KCNT1: variants seen among roughly 807,000 people sequenced by gnomAD.
KCNT1 encodes potassium sodium-activated channel subfamily T member 1, also known as potassium channel subfamily T member 1.
Under a neutral mutation model 147.8 loss-of-function variants are expected in KCNT1, and 78 were observed. The ratio of observed to expected loss-of-function variants is 0.53; its 90% CI spans 0.44 to 0.64. The LOEUF (loss-of-function observed/expected upper bound fraction) is 0.64. KCNT1 is among the 30% of genes least tolerant of loss of function. KCNT1 has a pLI of 0.00. For synonymous variants in KCNT1, 867 were observed against 748.8 expected, an observed-to-expected ratio of 1.16 and a Z score of -2.58; for missense variants, 1,419 against 1,750.3, an observed-to-expected ratio of 0.81 and a Z score of 3.38.
Position 135,752,201 on chromosome 9 carries a change from GTTC to G in KCNT1, c.434+1164_434+1166del. The G allele has an allele frequency of 2.7e-6, 1 of 367,990 alleles. No individual in the cohort carries two copies. The highest frequency in any genetic ancestry group is 3.6e-5 in the Admixed American group (1 of 27,924). 22.8% of individuals were successfully genotyped at this position (367,990 alleles called of 1,614,324 possible). A position where few individuals can be genotyped will look rare whatever the true frequency, so the allele number is the denominator to read the frequency against. On this transcript the variant is annotated intron_variant, in intron 4 of 30. Transcript: ENST00000371757. This position sits in a 1 kb window ranked among gnomAD's most constrained non-coding sequence, Gnocchi z 5.1. ...TCCCCCCTCTGGCTGCGCAGAGCAG[GTTC>G]TTCCCTGGAGAGAAGGCCTGACTGC...
intron 27 of KCNT1, 58 bp downstream of exon 27, chr9:135,784,947 G>A (rs1426280502): frequency 1.3e-6 from 2 of 1,586,450 alleles, no homozygotes; most frequent in African/African-American, 1.3e-5. Flanking sequence ...GTGACCCACA[G>A]CATCCCCACC....
At chr9:135,774,955 C>T (rs923738857) in intron 19 of KCNT1, among the ~76,000 whole-genome samples, 2 of 152,166 alleles carry the variant, frequency 1.3e-5, no homozygotes, top group Non-Finnish European at 2.9e-5. Context: ...GCCTCCCCAG[C>T]CCTGGCCTTG....
At chr9:135,711,154 C>G (rs965656780) in intron 1 of KCNT1, among the ~76,000 whole-genome samples, 5 of 152,262 alleles carry the variant, frequency 3.3e-5, no homozygotes, top group African/African-American at 1.2e-4. Context: ...TTTCTCGCAG[C>G]AGTGCACAGA....
rs144883521 is a variant in KCNT1 at position 135,728,016 on chromosome 9, C to T, written c.254+13296C>T. ...AAAATGGCAATATTTGTGTTATGCA[C>T]ATTTACTACAAAAACAAGCTTGCCT... is the stretch of plus-strand genomic sequence containing the variant. On this transcript the variant is annotated intron_variant, in intron 2 of 30. Coordinates refer to ENST00000371757, the MANE Select transcript of KCNT1 (RefSeq NM_020822.3). Among the ~76,000 whole-genome samples the T allele has an allele frequency of 4.3e-3, 649 of 152,330 alleles. 1 individual carries two copies. The highest frequency in any genetic ancestry group is 0.015 in the African/African-American group (612 of 41,580).
At chr9:135,709,717 G>C (rs1236466846) in intron 1 of KCNT1, among the ~76,000 whole-genome samples, 1 of 152,136 alleles carries the variant, frequency 6.6e-6, no homozygotes, top group Non-Finnish European at 1.5e-5. Context: ...GTCTCGCTCT[G>C]TCACCCAGGC....
In KCNT1 at chr9:135,730,990, T is replaced by TGAAAAAAAA. The variant is rs1554766004; in HGVS notation, c.254+16270_254+16271insGAAAAAAAA. Among the ~76,000 whole-genome samples the TGAAAAAAAA allele has an allele frequency of 0.016, 1,343 of 85,344 alleles. 59 individuals carry two copies. Among genetic ancestry groups the TGAAAAAAAA allele is most frequent in the South Asian group, 0.025 (56 of 2,264 alleles). 56.0% of individuals were successfully genotyped at this position (85,344 alleles called of 152,430 possible). A position where few individuals can be genotyped will look rare whatever the true frequency, so the allele number is the denominator to read the frequency against. ...AACAAAGTGAGATCCCGTCTCAAGGTAAAAAAAAAAAAAAAAAAAAAAAGT... is the reference window on the plus strand; with the variant it reads ...AACAAAGTGAGATCCCGTCTCAAGGTGAAAAAAAAAAAAAAAAAAAAAAAAAAAAAAAGT... On this transcript the variant is annotated intron_variant, in intron 2 of 30. Coordinates refer to ENST00000371757, the MANE Select transcript of KCNT1 (RefSeq NM_020822.3). This position sits in a 1 kb window ranked among gnomAD's most constrained non-coding sequence, Gnocchi z 4.7.
chr9:135,750,864 A>C, intron 3 of KCNT1, 78 bp from the exon 4 acceptor site: 1 of 1,358,970 alleles, frequency 7.4e-7, no homozygotes. Context: ...CAGAGAGCCC[A>C]GCCAGACCCG....
chr9:135,751,403 T>G (rs1831159644), intron 4 of KCNT1, among the ~76,000 whole-genome samples: 1 of 151,612 alleles, frequency 6.6e-6, no homozygotes, highest in South Asian at 2.1e-4. Flanking sequence ...GGGCGCCCAG[T>G]CCCCCTGGGG....
intron 13 of KCNT1, among the ~76,000 whole-genome samples, chr9:135,768,241 G>C (rs1196139721): frequency 4.6e-5 from 1 of 21,782 alleles, no homozygotes; most frequent in African/African-American, 1.6e-4. Flanking sequence ...GGATGCCTGC[G>C]GGGGGGGGGG....
rs761613092 is a variant in KCNT1 at position 135,791,780 on chromosome 9, G to A, written c.3503-17G>A. On this transcript the variant is annotated splice_polypyrimidine_tract_variant and intron_variant, in intron 29 of 30. Transcript: ENST00000371757. ...AGGGCTGGGGGGGTGACGTCTGCCC[G>A]GCTGTGTCCTTTGCAGACGAGATGA... The A allele has an allele frequency of 3.1e-5, 50 of 1,611,776 alleles. No homozygotes were observed. Among genetic ancestry groups the A allele is most frequent in the Non-Finnish European group, 3.6e-5 (42 of 1,178,300 alleles).
chr9:135,744,494 G>A (rs1165019020), intron 2 of KCNT1, among the ~76,000 whole-genome samples: 1 of 152,188 alleles, frequency 6.6e-6, no homozygotes, highest in East Asian at 1.9e-4. Context: ...GCCGCCACCT[G>A]GGGACAGACT....
chr9:135,703,972 G>C (rs944442716), intron 1 of KCNT1, among the ~76,000 whole-genome samples: 11 of 152,274 alleles, frequency 7.2e-5, no homozygotes, highest in African/African-American at 2.2e-4. Context: ...GCAGTGGAGG[G>C]ATGTCAGGCG....
At chr9:135,768,558 G>A in intron 13 of KCNT1, 52 bp from the exon 14 acceptor site, 3 of 1,470,766 alleles carry the variant, frequency 2.0e-6, no homozygotes, top group Non-Finnish European at 2.8e-6. Context: ...ACCCCCGGCT[G>A]CACTGCCCAC....
intron 21 of KCNT1, 82 bp downstream of exon 21, chr9:135,777,592 C>T: frequency 7.2e-7 from 1 of 1,395,186 alleles, no homozygotes; most frequent in Non-Finnish European, 9.8e-7. Context: ...TGGGCCCACC[C>T]TTCGCCTTTG....
chr9:135,781,909 C>T (rs1833637377), intron 24 of KCNT1, among the ~76,000 whole-genome samples: 1 of 152,114 alleles, frequency 6.6e-6, no homozygotes, highest in South Asian at 2.1e-4. Context: ...ATAGCAAGTC[C>T]CCATCTATAC....
At position 135,704,139 on chromosome 9, in the gene KCNT1, C is replaced by T. The variant is rs141818343; in HGVS notation, c.110+1771C>T. 8.7e-4 allele frequency among the ~76,000 whole-genome samples: 133 copies of T among 152,294 alleles called. No individual in the cohort carries two copies. In the East Asian group the frequency reaches 0.021, roughly 24 times the overall value. On this transcript the variant is annotated intron_variant, in intron 1 of 30. Transcript: ENST00000371757. The stretch of plus-strand genomic sequence containing the variant: ...TGGTGGTGGGGGGAGCTCTGTGGGG[C>T]GGGTTTCCCCACCAGCTCTCACATG...
Position 135,792,163 on chromosome 9 carries a change from C to A in KCNT1, c.*2C>A. On this transcript the variant is annotated 3_prime_UTR_variant, in exon 31 of 31. Transcript: ENST00000371757. ...ACTCGCGACGAGACACAGCTCTGAG[C>A]CAGCCCTGCACGGAGCTCAGGCCAC... 6.2e-7 allele frequency: 1 copy of A among 1,604,572 alleles called. No homozygotes were observed. The highest frequency in any genetic ancestry group is 8.5e-7 in the Non-Finnish European group (1 of 1,179,330).
intron 2 of KCNT1, among the ~76,000 whole-genome samples, chr9:135,719,130 G>C (rs1363975640): frequency 6.6e-6 from 1 of 152,208 alleles, no homozygotes; most frequent in African/African-American, 2.4e-5. Context: ...CTGCCTGGGA[G>C]TCCAGGGGCA....
At chr9:135,757,113 C>T in intron 7 of KCNT1, 43 bp from the exon 8 acceptor site, 1 of 1,237,806 alleles carries the variant, frequency 8.1e-7, no homozygotes, top group Non-Finnish European at 1.2e-6. Context: ...GGCCCCACCC[C>T]CACCCTCCAT....
Sources: gnomAD v4.1 joint callset for allele counts (sites outside exome capture counted in the v4.1 genomes callset) on GRCh38, gnomAD v4.1.1 for gene constraint, Gnocchi (gnomAD v3.1) non-coding constraint, MANE v1.5 for transcripts, NCBI Gene and HGNC (gene_info 2026-07-23, HGNC 2026-07-21) for gene names.